Variants in KLF13 observed in about 807,000 individuals in gnomAD.
KLF13 encodes KLF transcription factor 13.
In KLF13, 8 loss-of-function variants were observed where a neutral mutation model predicts 16.7. The ratio of observed to expected loss-of-function variants is 0.48; its 90% CI spans 0.28 to 0.87. The LOEUF is 0.87. KLF13 is among the 40% of genes least tolerant of loss of function. KLF13 has a pLI of 0.10. For missense variants in KLF13, 447 were observed against 452.2 expected (o/e 0.99, Z 0.10); for synonymous variants, 245 against 208.4 (o/e 1.18, Z -1.51).
At chr15:31,333,239 T>C (rs7177826) in intron 1 of KLF13, among the ~76,000 whole-genome samples, 152,142 of 152,314 alleles carry the variant, frequency 1, 75,986 homozygotes, top group Non-Finnish European at 1. Flanking sequence ...GCTCCAGTGC[T>C]TTAGGAATCA....
chr15:31,344,881 T>C (rs964786421), intron 1 of KLF13, among the ~76,000 whole-genome samples: 1 of 151,624 alleles, frequency 6.6e-6, no homozygotes, highest in African/African-American at 2.4e-5. Flanking sequence ...GCCGCCTGAG[T>C]GGGGAGGGAG....
chr15:31,368,035 G>C (rs4081975), intron 1 of KLF13, among the ~76,000 whole-genome samples: 118,197 of 145,220 alleles, frequency 0.81, 47,890 homozygotes, highest in South Asian at 0.89. Flanking sequence ...CTCACTTGCT[G>C]CCTTCCCCGT....
intron 1 of KLF13, among the ~76,000 whole-genome samples, chr15:31,355,162 C>G (rs1398730930): frequency 6.6e-6 from 1 of 152,212 alleles, no homozygotes; most frequent in African/African-American, 2.4e-5. Context: ...CCGAAACAAT[C>G]AACAGTGCTA....
downstream of KLF13, among the ~76,000 whole-genome samples, chr15:31,405,882 G>A (rs2040122424): frequency 6.6e-6 from 1 of 152,174 alleles, no homozygotes; most frequent in Non-Finnish European, 1.5e-5. Context: ...AAAAGTAACA[G>A]TTGTCCCTGG....
intron 1 of KLF13, among the ~76,000 whole-genome samples, chr15:31,353,190 A>T (rs556498558): frequency 6.6e-6 from 1 of 152,152 alleles, no homozygotes; most frequent in East Asian, 1.9e-4. Flanking sequence ...TTAAAGGGGG[A>T]GTGCCTGGAG....
At chr15:31,343,694 T>A (rs1369977536) in intron 1 of KLF13, among the ~76,000 whole-genome samples, 1 of 152,170 alleles carries the variant, frequency 6.6e-6, no homozygotes, top group African/African-American at 2.4e-5. Flanking sequence ...AACTGCCTGT[T>A]GTTGTTAAGA....
intron 1 of KLF13, among the ~76,000 whole-genome samples, chr15:31,412,263 C>T (rs1022288892): frequency 6.6e-6 from 1 of 152,204 alleles, no homozygotes; most frequent in Non-Finnish European, 1.5e-5. Context: ...TGATCTTAGA[C>T]TTTCTAATTA....
chr15:31,431,137 C>A (rs988548310), intron 1 of KLF13, among the ~76,000 whole-genome samples: 2 of 152,168 alleles, frequency 1.3e-5, no homozygotes, highest in African/African-American at 4.8e-5. Flanking sequence ...GAGCTTGCTG[C>A]CTCTTTCTCT....
intron 1 of KLF13, among the ~76,000 whole-genome samples, chr15:31,417,831 C>T (rs564150996): frequency 3.3e-5 from 5 of 152,280 alleles, no homozygotes; most frequent in Admixed American, 2.6e-4. Context: ...CAGGCATGAG[C>T]CACTGCGCCC....
At chr15:31,414,395 A>C (rs1200169584) in intron 1 of KLF13, among the ~76,000 whole-genome samples, 1 of 152,206 alleles carries the variant, frequency 6.6e-6, no homozygotes, top group Non-Finnish European at 1.5e-5. Context: ...TGCGAGAGCG[A>C]ATTAAACATT....
intron 1 of KLF13, among the ~76,000 whole-genome samples, chr15:31,370,351 A>G (rs1177108599): frequency 1.3e-5 from 2 of 151,140 alleles, no homozygotes; most frequent in East Asian, 1.9e-4. Context: ...TGCTTTGAGT[A>G]TATTTCCAGC....
At chr15:31,391,651 T>C (rs1163674818), upstream of KLF13, among the ~76,000 whole-genome samples, 18 of 147,062 alleles carry the variant, frequency 1.2e-4, no homozygotes, top group African/African-American at 4.0e-4. Context: ...GCGGCTGCCG[T>C]GGGCCGGTCC....
intron 2 of KLF13, among the ~76,000 whole-genome samples, chr15:31,396,622 G>A (rs749324421): frequency 5.9e-5 from 9 of 152,188 alleles, no homozygotes; most frequent in Non-Finnish European, 1.0e-4. Flanking sequence ...CCTGGGTGGT[G>A]CCAGCTGATC....
chr15:31,345,910 C>T (rs535068640), intron 1 of KLF13, among the ~76,000 whole-genome samples: 80 of 152,176 alleles, frequency 5.3e-4, no homozygotes, highest in Non-Finnish European at 1.0e-3. Flanking sequence ...CCCTGGTTGT[C>T]TCTGTTTCCC....
chr15:31,428,766 G>GCAGT (rs1334072717), intron 1 of KLF13, among the ~76,000 whole-genome samples: 2 of 133,780 alleles, frequency 1.5e-5, no homozygotes, highest in African/African-American at 5.6e-5. Context: ...TCGCGCCACT[G>GCAGT]CAGTCTGGCC....
intron 2 of KLF13, among the ~76,000 whole-genome samples, chr15:31,399,372 G>A (rs1277918892): frequency 6.6e-6 from 1 of 152,078 alleles, no homozygotes; most frequent in African/African-American, 2.4e-5. Context: ...ATCATGTTGG[G>A]CAGGCTGGTC....
Position 31,376,919 on chromosome 15 carries a change from G to A in KLF13, c.*4620G>A, listed in dbSNP as rs142299279. 0.012 allele frequency: 1,864 copies of A among 151,022 alleles called. 74 individuals carry two copies. The East Asian group carries it at 0.14, about 12-fold the overall frequency. The allele number at this position is 151,022 out of a possible 1,614,324, so 9.4% of individuals were successfully genotyped here. The stretch of plus-strand genomic sequence containing the variant: ...ACTTTTATTTAAAAATGAACTGGAT[G>A]GGAGAGAAGTAGCGTCCCCTACCCT... On this transcript the variant is annotated 3_prime_UTR_variant, in exon 2 of 2. Coordinates refer to ENST00000307145, the MANE Select transcript of KLF13 (RefSeq NM_015995.4).
At chr15:31,378,674 C>G (rs901186038), downstream of KLF13, among the ~76,000 whole-genome samples, 3 of 152,314 alleles carry the variant, frequency 2.0e-5, no homozygotes, top group Admixed American at 6.5e-5. Context: ...TGCATCTGGG[C>G]TGTACACTGT....
chr15:31,397,599 T>C (rs1187085117), intron 2 of KLF13, among the ~76,000 whole-genome samples: 1 of 152,256 alleles, frequency 6.6e-6, no homozygotes, highest in Non-Finnish European at 1.5e-5. Context: ...TAGCAGCTGC[T>C]AGCAAGTCCT....
Sources: allele counts gnomAD v4.1 joint callset (sites outside exome capture counted in the v4.1 genomes callset), GRCh38; gene constraint gnomAD v4.1.1; transcripts MANE v1.5; gene names NCBI Gene and HGNC (gene_info 2026-07-23, HGNC 2026-07-21).